The following EVI5L variants were observed in gnomAD, a reference collection of about 807,000 sequenced individuals.
The protein encoded by EVI5L is ecotropic viral integration site 5 like.
A neutral mutation model predicts 106.1 loss-of-function variants in EVI5L; 30 were observed. That is an observed-to-expected ratio of 0.28 (90% CI 0.21 to 0.38). EVI5L has a LOEUF of 0.38. Ranked by LOEUF, EVI5L falls within the 10% of genes least tolerant of loss-of-function variation. EVI5L has a pLI of 1.00. For synonymous variants in EVI5L, 489 were observed against 483.3 expected, an observed-to-expected ratio of 1.01 and a Z score of -0.15; for missense variants, 809 against 1,098.0, an observed-to-expected ratio of 0.74 and a Z score of 3.72.
chr19:7,845,154 G>C lies in EVI5L; in HGVS notation c.-47-1342G>C, dbSNP rs111909634. 6.6e-6 allele frequency among the ~76,000 whole-genome samples: 1 copy of C among 152,134 alleles called. No individual in the cohort carries two copies. The highest frequency in any genetic ancestry group is 6.5e-5 in the Admixed American group (1 of 15,270). ...GGTCAGGTGGGGTCAAGTGGCACAC[G>C]GCAGACTCCTGCTACAGAGCGTGCC... is the stretch of plus-strand genomic sequence containing the variant. On this transcript the variant is annotated intron_variant, in intron 1 of 19. Transcript: ENST00000538904. The surrounding 1 kb of genome is among the most constrained non-coding windows in gnomAD (Gnocchi z 4.0).
chr19:7,847,027 T>C (rs777065357), intron 2 of EVI5L, among the ~76,000 whole-genome samples: 21 of 152,180 alleles, frequency 1.4e-4, no homozygotes, highest in Non-Finnish European at 2.2e-4. Flanking sequence ...CTGGACGTGG[T>C]GGCTCACACC....
intron 1 of EVI5L, among the ~76,000 whole-genome samples, chr19:7,839,466 G>T (rs181163319): frequency 6.6e-6 from 1 of 152,114 alleles, no homozygotes; most frequent in African/African-American, 2.4e-5. Flanking sequence ...GGGCATGCAC[G>T]TCTTGCAAAG....
At chr19:7,859,585 C>T (rs1724881861) in intron 13 of EVI5L, among the ~76,000 whole-genome samples, 1 of 152,268 alleles carries the variant, frequency 6.6e-6, no homozygotes, top group African/African-American at 2.4e-5. Flanking sequence ...TTGTGGCCCT[C>T]AGAGTCTGTG....
chr19:7,850,150 T>C lies in EVI5L; in HGVS notation c.753+28T>C, dbSNP rs375512695. 1.3e-6 allele frequency: 2 copies of C among 1,589,778 alleles called. No homozygotes were observed. The highest frequency in any genetic ancestry group is 8.6e-7 in the Non-Finnish European group (1 of 1,169,088). On this transcript the variant is annotated intron_variant, in intron 6 of 19. Transcript: ENST00000538904. This position sits in a 1 kb window ranked among gnomAD's most constrained non-coding sequence, Gnocchi z 5.4. ...GAGCAGGGCCGCAGGAGAGCAGGGC[T>C]GCAGGAGGGCAGGGCCACAGGTGGG...
intron 13 of EVI5L, chr19:7,859,209 A>C (rs924013468): frequency 1.3e-5 from 2 of 149,656 alleles, no homozygotes; most frequent in African/African-American, 5.1e-5. Context: ...AAAAAAAAAA[A>C]ACTTAACTGC....
chr19:7,850,598 C>T lies in EVI5L; in HGVS notation c.753+476C>T, dbSNP rs1979196101. Among the ~76,000 whole-genome samples, 1 of 152,192 alleles carries T rather than the reference C, an allele frequency of 6.6e-6. No individual in the cohort carries two copies. Among genetic ancestry groups the T allele is most frequent in the African/African-American group, 2.4e-5 (1 of 41,438 alleles). On this transcript the variant is annotated intron_variant, in intron 6 of 19. Transcript: ENST00000538904. The surrounding 1 kb of genome is among the most constrained non-coding windows in gnomAD (Gnocchi z 5.4). ...TTGCGAACATACACACACCCGCATG[C>T]ATACACACACACGCAGACACACACA...
intron 17 of EVI5L, 128 bp downstream of exon 17, chr19:7,862,662 CG>C: frequency 1.2e-6 from 1 of 821,166 alleles, no homozygotes; most frequent in South Asian, 3.3e-5. Flanking sequence ...GCGGTCCTCC[CG>C]CCCCCGCCCG....
chr19:7,851,499 G>T lies in EVI5L; in HGVS notation c.819G>T (p.Ser273=), dbSNP rs761773660. The change falls in exon 7 of 20, where the codon TCG becomes TCT. Residue 273 remains serine, a synonymous_variant. Transcript: ENST00000538904. ...SQSFHTSMYA[S]SWFLTLFLTT... is the part of the protein sequence containing the mutation. ...GCTTCCACACATCCATGTATGCCTC[G>T]TCCTGGTTCCTCACACTGTTCCTGA... is the stretch of plus-strand genomic sequence containing the variant. 6.2e-7 allele frequency: 1 copy of T among 1,613,198 alleles called. No homozygotes were observed. Among genetic ancestry groups the T allele is most frequent in the African/African-American group, 1.3e-5 (1 of 74,848 alleles).
rs1826913052 is a variant in EVI5L, at chr19:7,835,192, AC to A, written c.-48+4814del. Among the ~76,000 whole-genome samples, 1 of 151,288 alleles carries A rather than the reference AC, an allele frequency of 6.6e-6. No homozygotes were observed. The highest frequency in any genetic ancestry group is 2.4e-5 in the African/African-American group (1 of 41,170). The stretch of plus-strand genomic sequence containing the variant: ...AAAAAATTGAGGCAAAATACATCAT[AC>A]CCAAGGTTACAAAGATAGAAAGTGG... On this transcript the variant is annotated intron_variant, in intron 1 of 19. Coordinates refer to ENST00000538904, the MANE Select transcript of EVI5L (RefSeq NM_001159944.3). The surrounding 1 kb of genome is among the most constrained non-coding windows in gnomAD (Gnocchi z 4.1).
Position 7,857,500 on chromosome 19 carries a change from A to G in EVI5L, c.1233+376A>G, listed in dbSNP as rs910639916. ...ACACACACACAACACATGCACACAC[A>G]CACACGCACACACACGCCCGGCCCT... is the stretch of plus-strand genomic sequence containing the variant. On this transcript the variant is annotated intron_variant, in intron 12 of 19. Coordinates refer to ENST00000538904, the MANE Select transcript of EVI5L (RefSeq NM_001159944.3). This position sits in a 1 kb window ranked among gnomAD's most constrained non-coding sequence, Gnocchi z 4.5. 2.6e-6 allele frequency: 1 copy of G among 380,462 alleles called. No homozygotes were observed. The highest frequency in any genetic ancestry group is 2.8e-5 in the South Asian group (1 of 35,692). 23.6% of individuals were successfully genotyped at this position (380,462 alleles called of 1,614,324 possible).
At chr19:7,853,355 C>T (rs1432237613) in intron 10 of EVI5L, 22 bp downstream of exon 10, 1 of 1,601,102 alleles carries the variant, frequency 6.2e-7, no homozygotes. Context: ...GGCCCAGGGG[C>T]GGGGACAGGG....
At position 7,851,586 on chromosome 19, in the gene EVI5L, C is replaced by A; in HGVS notation, c.897+9C>A. 1 of 1,609,000 alleles carries A rather than the reference C, an allele frequency of 6.2e-7. No individual in the cohort carries two copies. Among genetic ancestry groups the A allele is most frequent in the Non-Finnish European group, 8.5e-7 (1 of 1,177,644 alleles). On this transcript the variant is annotated intron_variant, in intron 7 of 19. Coordinates refer to ENST00000538904, the MANE Select transcript of EVI5L (RefSeq NM_001159944.3). Reference sequence around the variant, plus strand: ...ACATCTTCATGTATGAGGTGAGGACCGATGGTGCCTGGGGAGGGAAGAGAG... The same window carrying A: ...ACATCTTCATGTATGAGGTGAGGACAGATGGTGCCTGGGGAGGGAAGAGAG...
In EVI5L at chr19:7,855,548, T is replaced by C. The variant is rs114484025; in HGVS notation, c.1147-467T>C. Reference sequence around the variant, plus strand: ...AATGTAGTTGTCGAGAAAGGATGCATGATCAGCACGCTGGACCCAGACTCA... The same window carrying C: ...AATGTAGTTGTCGAGAAAGGATGCACGATCAGCACGCTGGACCCAGACTCA... On this transcript the variant is annotated intron_variant, in intron 10 of 19. Transcript: ENST00000538904. 5.5e-3 allele frequency among the ~76,000 whole-genome samples: 837 copies of C among 152,302 alleles called. 9 individuals are homozygous for C. The highest frequency in any genetic ancestry group is 0.019 in the African/African-American group (791 of 41,560).
chr19:7,840,886 G>A (rs1978570346), intron 1 of EVI5L, among the ~76,000 whole-genome samples: 1 of 152,178 alleles, frequency 6.6e-6, no homozygotes, highest in Non-Finnish European at 1.5e-5. Flanking sequence ...CATGTGGATT[G>A]TTTCTGCTTT....
chr19:7,851,601 AG>A (rs1979255053), intron 7 of EVI5L, 24 bp downstream of exon 7: 1 of 1,602,114 alleles, frequency 6.2e-7, no homozygotes, highest in African/African-American at 1.3e-5. Flanking sequence ...GTGCCTGGGG[AG>A]GGAAGAGAGC....
At chr19:7,834,638 A>T (rs1978316454) in intron 1 of EVI5L, among the ~76,000 whole-genome samples, 1 of 152,310 alleles carries the variant, frequency 6.6e-6, no homozygotes, top group South Asian at 2.1e-4. Flanking sequence ...CAAATATGGG[A>T]TGCCTACTAG....
At chr19:7,843,184 C>T (rs1461999110) in intron 1 of EVI5L, among the ~76,000 whole-genome samples, 2 of 88,644 alleles carry the variant, frequency 2.3e-5, no homozygotes. Context: ...TGAGTATGTG[C>T]ATGTGTGTGT....
At chr19:7,852,560 CT>C (rs55953605) in intron 8 of EVI5L, among the ~76,000 whole-genome samples, 85,780 of 148,182 alleles carry the variant, frequency 0.58, 25,388 homozygotes, top group Middle Eastern at 0.71. Flanking sequence ...TTACCTTTTT[CT>C]TTTTTTTTTT....
Position 7,857,528 on chromosome 19 carries a change from C to T in EVI5L, c.1233+404C>T, listed in dbSNP as rs541449705. 119 of 300,088 alleles carry T rather than the reference C, an allele frequency of 4.0e-4. 1 individual carries two copies. Among genetic ancestry groups the T allele is most frequent in the Non-Finnish European group, 8.2e-5 (13 of 158,200 alleles). 18.6% of individuals were successfully genotyped at this position (300,088 alleles called of 1,614,324 possible). ...CACGCACACACACGCCCGGCCCTCA[C>T]GCTGCTGCTCTCTGCTCCTACCTGC... On this transcript the variant is annotated intron_variant, in intron 12 of 19. Coordinates refer to ENST00000538904, the MANE Select transcript of EVI5L (RefSeq NM_001159944.3). This position sits in a 1 kb window ranked among gnomAD's most constrained non-coding sequence, Gnocchi z 4.5.
Sources: gnomAD v4.1 joint callset for allele counts (sites outside exome capture counted in the v4.1 genomes callset) on GRCh38, gnomAD v4.1.1 for gene constraint, Gnocchi (gnomAD v3.1) non-coding constraint, MANE v1.5 for transcripts, NCBI Gene and HGNC (gene_info 2026-07-23, HGNC 2026-07-21) for gene names.